Variants in GABRG3 observed in about 807,000 individuals in gnomAD.
The protein encoded by GABRG3 is gamma-aminobutyric acid type A receptor subunit gamma3, also known as gamma-aminobutyric acid receptor subunit gamma-3.
GABRG3 carries 25 observed loss-of-function variants against 48.8 expected under a neutral mutation model. The ratio of observed to expected loss-of-function variants is 0.51; its 90% CI spans 0.37 to 0.72. The LOEUF (loss-of-function observed/expected upper bound fraction) is 0.72. Among genes scored for constraint, GABRG3 ranks in the 30% least tolerant of loss-of-function variants. The pLI, the probability that GABRG3 is intolerant of heterozygous loss-of-function variation, is 0.00. For synonymous variants in GABRG3, 227 were observed against 217.6 expected (o/e 1.04, Z -0.38); for missense variants, 394 against 577.9 (o/e 0.68, Z 3.26).
chr15:27,351,957 A>T, intron 5 of GABRG3, among the ~76,000 whole-genome samples: 1 of 130,844 alleles, frequency 7.6e-6, no homozygotes, highest in African/African-American at 2.9e-5. Flanking sequence ...TCGTGTGTGT[A>T]TGGTGTATGT....
Position 27,293,059 on chromosome 15 carries a change from G to A in GABRG3, c.271-33750G>A, listed in dbSNP as rs575563318. Among the ~76,000 whole-genome samples the A allele has an allele frequency of 5.3e-5, 8 of 152,296 alleles. No individual in the cohort carries two copies. The South Asian group carries it at 1.7e-3, about 32-fold the overall frequency. On this transcript the variant is annotated intron_variant, in intron 3 of 9. Transcript: ENST00000615808. Reference sequence around the variant, plus strand: ...AAAATGCCACGAAGGTTCCTGGGGCGATGCCGTGAACTTGCATGCCTGACA... The same window carrying A: ...AAAATGCCACGAAGGTTCCTGGGGCAATGCCGTGAACTTGCATGCCTGACA...
intron 3 of GABRG3, among the ~76,000 whole-genome samples, chr15:27,042,752 G>C (rs1896299562): frequency 1.3e-5 from 2 of 152,200 alleles, no homozygotes; most frequent in Non-Finnish European, 2.9e-5. Flanking sequence ...CCTCCCATGG[G>C]AATGCTCAGC....
chr15:27,497,548 C>G (rs1890516460), intron 6 of GABRG3, among the ~76,000 whole-genome samples: 1 of 152,112 alleles, frequency 6.6e-6, no homozygotes, highest in Non-Finnish European at 1.5e-5. Context: ...TACTGAATGC[C>G]TAAATTTCTT....
intron 5 of GABRG3, among the ~76,000 whole-genome samples, chr15:27,444,041 T>A (rs541241126): frequency 2.6e-5 from 4 of 152,204 alleles, no homozygotes; most frequent in Non-Finnish European, 5.9e-5. Flanking sequence ...TGTTGAAGTG[T>A]TCATGTCAAT....
At chr15:27,021,907 G>T (rs535733242) in intron 2 of GABRG3, among the ~76,000 whole-genome samples, 1 of 152,246 alleles carries the variant, frequency 6.6e-6, no homozygotes, top group South Asian at 2.1e-4. Context: ...TTTTGTAAGA[G>T]ATATTAATCA....
chr15:27,266,284 T>TG (rs1449051100), intron 3 of GABRG3, among the ~76,000 whole-genome samples: 1 of 27,328 alleles, frequency 3.7e-5, no homozygotes, highest in Admixed American at 3.2e-4. Context: ...ATTGGAATTC[T>TG]TTTTTTTTCT....
At chr15:27,051,817 G>A (rs1376761275) in intron 3 of GABRG3, among the ~76,000 whole-genome samples, 2 of 152,162 alleles carry the variant, frequency 1.3e-5, no homozygotes, top group East Asian at 1.9e-4. Context: ...TAGAATCAGT[G>A]GAGCCCTGAG....
At chr15:27,359,264 C>T (rs1012104679) in intron 5 of GABRG3, among the ~76,000 whole-genome samples, 2 of 152,236 alleles carry the variant, frequency 1.3e-5, no homozygotes, top group African/African-American at 4.8e-5. Context: ...CTGCCCCTGT[C>T]TCTGCTCCTC....
chr15:27,368,999 C>T (rs1895305700), intron 5 of GABRG3, among the ~76,000 whole-genome samples: 1 of 152,208 alleles, frequency 6.6e-6, no homozygotes, highest in African/African-American at 2.4e-5. Context: ...GAGTTTAAGT[C>T]ATCCTTTCTC....
intron 3 of GABRG3, among the ~76,000 whole-genome samples, chr15:27,062,647 G>C (rs4299125): frequency 0.074 from 11,219 of 151,622 alleles, 383 homozygotes; most frequent in Middle Eastern, 0.11. Context: ...AACAAACAAA[G>C]AAAAATCACT....
intron 3 of GABRG3, among the ~76,000 whole-genome samples, chr15:27,258,431 T>C (rs1890683834): frequency 6.6e-6 from 1 of 152,038 alleles, no homozygotes; most frequent in Admixed American, 6.6e-5. Flanking sequence ...CCATGCAGCA[T>C]GCGGGACCAT....
At chr15:27,468,848 A>C (rs538395464) in intron 5 of GABRG3, among the ~76,000 whole-genome samples, 16 of 152,328 alleles carry the variant, frequency 1.1e-4, no homozygotes, top group African/African-American at 3.4e-4. Flanking sequence ...TGTGGTTGTT[A>C]ATATCTGCAG....
intron 3 of GABRG3, among the ~76,000 whole-genome samples, chr15:27,273,426 T>C (rs1891151708): frequency 6.6e-6 from 1 of 152,186 alleles, no homozygotes; most frequent in African/African-American, 2.4e-5. Context: ...AAATCCAGGT[T>C]TCTAACTTGT....
chr15:27,199,941 T>G (rs1177900609), intron 3 of GABRG3, among the ~76,000 whole-genome samples: 1 of 151,380 alleles, frequency 6.6e-6, no homozygotes, highest in African/African-American at 2.4e-5. Flanking sequence ...CCCTTCATCC[T>G]TCTCTCTTTC....
intron 5 of GABRG3, among the ~76,000 whole-genome samples, chr15:27,351,423 ATGTGTGTATGGTG>A (rs1478676728): frequency 5.5e-5 from 5 of 91,734 alleles, no homozygotes; most frequent in African/African-American, 1.7e-4. Context: ...GTGTGTGTGT[ATGTGTGTATGGTG>A]TGTGTGTATA....
At chr15:27,018,691 A>T (rs2140673712) in intron 2 of GABRG3, among the ~76,000 whole-genome samples, 1 of 152,302 alleles carries the variant, frequency 6.6e-6, no homozygotes, top group Middle Eastern at 3.4e-3. Flanking sequence ...ATTGGACCTT[A>T]ACTGAGCTGG....
At chr15:27,339,036 C>T (rs1199440741) in intron 5 of GABRG3, among the ~76,000 whole-genome samples, 1 of 152,154 alleles carries the variant, frequency 6.6e-6, no homozygotes, top group Non-Finnish European at 1.5e-5. Flanking sequence ...GTGGGGCCTT[C>T]CCCCATGTCT....
intron 3 of GABRG3, among the ~76,000 whole-genome samples, chr15:27,193,500 C>T (rs1185131326): frequency 9.9e-5 from 15 of 151,878 alleles, no homozygotes; most frequent in African/African-American, 2.9e-4. Flanking sequence ...AGCGAGACTC[C>T]GTGGGCGTAG....
chr15:27,316,254 G>A (rs563793425), intron 3 of GABRG3, among the ~76,000 whole-genome samples: 1 of 151,444 alleles, frequency 6.6e-6, no homozygotes, highest in South Asian at 2.1e-4. Context: ...CGGGCCTAGT[G>A]GCGGGCGCCT....
Sources: allele counts gnomAD v4.1 joint callset (sites outside exome capture counted in the v4.1 genomes callset), GRCh38; gene constraint gnomAD v4.1.1; transcripts MANE v1.5; gene names NCBI Gene and HGNC (gene_info 2026-07-23, HGNC 2026-07-21).